Variants in TGM3 observed in about 807,000 individuals in gnomAD.
TGM3 encodes the protein transglutaminase 3.
In TGM3, 52 loss-of-function variants were observed where a neutral mutation model predicts 73.8. The ratio of observed to expected loss-of-function variants is 0.70; its 90% CI spans 0.56 to 0.89. TGM3 has a LOEUF of 0.89. Among genes scored for constraint, TGM3 ranks in the 40% least tolerant of loss-of-function variants. The pLI is 0.00. For missense variants in TGM3, 928 were observed against 909.9 expected (o/e 1.02, Z -0.26); for synonymous variants, 372 against 354.9 (o/e 1.05, Z -0.54).
chr20:2,311,240 C>T, intron 4 of TGM3, 111 bp downstream of exon 4: 1 of 891,456 alleles, frequency 1.1e-6, no homozygotes, highest in South Asian at 1.4e-5. Flanking sequence ...GCCTGCCCTT[C>T]TATTTGTTCA....
intron 1 of TGM3, among the ~76,000 whole-genome samples, chr20:2,302,086 A>G (rs900118336): frequency 2.6e-5 from 4 of 152,214 alleles, no homozygotes; most frequent in African/African-American, 9.6e-5. Flanking sequence ...AGGTGTGGGA[A>G]GTAGAGTCTG....
At position 2,296,076 on chromosome 20, in the gene TGM3, T is replaced by A. The variant is rs1406317780; in HGVS notation, c.7+6T>A. 3 of 1,550,438 alleles carry A rather than the reference T, an allele frequency of 1.9e-6. No homozygotes were observed. The highest frequency in any genetic ancestry group is 3.9e-5 in the Admixed American group (2 of 50,984). On this transcript the variant is annotated splice_donor_region_variant and intron_variant, in intron 1 of 12. Transcript: ENST00000381458. ...AGGAAGGCGAAACATGGCTGGTGAG[T>A]GCATGGCATCTTCTCCATCAGGTCC... is the stretch of plus-strand genomic sequence containing the variant.
At chr20:2,315,990 C>T (rs1434938786) in intron 5 of TGM3, among the ~76,000 whole-genome samples, 1 of 152,202 alleles carries the variant, frequency 6.6e-6, no homozygotes, top group Non-Finnish European at 1.5e-5. Context: ...GGTGTCATTT[C>T]ATCTGCGACC....
intron 9 of TGM3, among the ~76,000 whole-genome samples, chr20:2,330,686 G>A (rs1324027884): frequency 6.6e-6 from 1 of 152,184 alleles, no homozygotes; most frequent in Non-Finnish European, 1.5e-5. Flanking sequence ...ATGGGAAGGG[G>A]CTTGCTGTAT....
chr20:2,317,441 C>G lies in TGM3; in HGVS notation c.939C>G (p.Tyr313Ter). The G allele has an allele frequency of 6.2e-7, 1 of 1,614,230 alleles. No homozygotes were observed. The highest frequency in any genetic ancestry group is 8.5e-7 in the Non-Finnish European group (1 of 1,180,042). ...TDRNLSVDVY[Y>*]DPMGNPLDKG... Reference sequence around the variant, plus strand: ...GAAATCTCAGTGTGGATGTGTACTACGACCCCATGGGAAACCCCCTGGACA... The same window carrying G: ...GAAATCTCAGTGTGGATGTGTACTAGGACCCCATGGGAAACCCCCTGGACA... The change falls in exon 7 of 13, where the codon TAC (tyrosine) becomes TAG (stop). Residue 313 changes from tyrosine to a stop codon, truncating the protein, a stop_gained. Coordinates refer to ENST00000381458, the MANE Select transcript of TGM3 (RefSeq NM_003245.4). LOFTEE classifies it high-confidence loss of function.
At position 2,332,454 on chromosome 20, in the gene TGM3, G is replaced by A. The variant is rs1216994438; in HGVS notation, c.1642+144G>A. 2.3e-6 allele frequency: 2 copies of A among 856,922 alleles called. No homozygotes were observed. The highest frequency in any genetic ancestry group is 3.5e-6 in the Non-Finnish European group (2 of 573,860). 53.1% of individuals were successfully genotyped at this position (856,922 alleles called of 1,614,324 possible). A position where few individuals can be genotyped will look rare whatever the true frequency, so the allele number is the denominator to read the frequency against. On this transcript the variant is annotated intron_variant, in intron 10 of 12. Transcript: ENST00000381458. The surrounding 1 kb of genome is among the most constrained non-coding windows in gnomAD (Gnocchi z 4.4). The stretch of plus-strand genomic sequence containing the variant: ...CCCTGTGGTTAAGCCATGTATTAAT[G>A]CTTTGGAAGTTTCTGTCTCTATGAA...
chr20:2,304,197 T>C (rs927320724), intron 1 of TGM3, among the ~76,000 whole-genome samples: 3 of 152,186 alleles, frequency 2.0e-5, no homozygotes, highest in African/African-American at 7.2e-5. Flanking sequence ...GGGTGGGCTG[T>C]GATGAGTGAC....
Position 2,311,042 on chromosome 20 carries a change from G to A in TGM3, c.453G>A (p.Glu151=). 1 of 1,614,130 alleles carries A rather than the reference G, an allele frequency of 6.2e-7. No homozygotes were observed. The highest frequency in any genetic ancestry group is 8.5e-7 in the Non-Finnish European group (1 of 1,179,974). ...GCGTCTTTATGGGTAACCACGCTGA[G>A]AGAGAAGAGTATGTTCAGGAAGATG... ...VDSVFMGNHA[E]REEYVQEDAG... is the part of the protein sequence containing the mutation. Residue 151 remains glutamate (E), a synonymous_variant, in exon 4 of 13, where the codon GAG becomes GAA. Coordinates refer to ENST00000381458, the MANE Select transcript of TGM3 (RefSeq NM_003245.4).
intron 7 of TGM3, among the ~76,000 whole-genome samples, chr20:2,317,921 G>GCATATATATATATATATATAT (rs1555794807): frequency 3.9e-4 from 53 of 135,690 alleles, no homozygotes; most frequent in African/African-American, 1.6e-3. Context: ...TCTTCTCTTA[G>GCATATATATATATATATATAT]CATATATATA....
At chr20:2,316,956 G>A in intron 5 of TGM3, 112 bp from the exon 6 acceptor site, 1 of 1,247,536 alleles carries the variant, frequency 8.0e-7, no homozygotes, top group Non-Finnish European at 1.1e-6. Context: ...GTTCAATCAT[G>A]GCCTTTGGCT....
At chr20:2,323,595 A>G (rs2084272434) in intron 7 of TGM3, among the ~76,000 whole-genome samples, 1 of 152,192 alleles carries the variant, frequency 6.6e-6, no homozygotes, top group South Asian at 2.1e-4. Flanking sequence ...CTCAGTGAGT[A>G]TGTAGATTTT....
intron 7 of TGM3, among the ~76,000 whole-genome samples, chr20:2,317,980 T>C (rs554503693): frequency 1.4e-3 from 208 of 149,168 alleles, no homozygotes; most frequent in African/African-American, 4.9e-3. Context: ...TATACCTTGG[T>C]TGACATCAAA....
rs2084240871 is a variant in TGM3, at chr20:2,317,460, CT to C, written c.959del (p.Leu320ArgfsTer20). ...DVYYDPMGNP[L>X]DKGSDSVWNF... The stretch of plus-strand genomic sequence containing the variant: ...GTACTACGACCCCATGGGAAACCCC[CT>C]GGACAAGGGTAGTGATAGCGTATGG... On this transcript the variant is annotated frameshift_variant, in exon 7 of 13. Coordinates refer to ENST00000381458, the MANE Select transcript of TGM3 (RefSeq NM_003245.4). LOFTEE classifies it high-confidence loss of function. The C allele has an allele frequency of 1.9e-6, 3 of 1,614,126 alleles. No individual in the cohort carries two copies. Among genetic ancestry groups the C allele is most frequent in the African/African-American group, 2.7e-5 (2 of 74,948 alleles).
Position 2,340,907 on chromosome 20 carries a change from C to T in TGM3, c.*326C>T, listed in dbSNP as rs1235036917. On this transcript the variant is annotated 3_prime_UTR_variant, in exon 13 of 13. Coordinates refer to ENST00000381458, the MANE Select transcript of TGM3 (RefSeq NM_003245.4). The stretch of plus-strand genomic sequence containing the variant: ...TGGACTGGCCCCTGACCCAGGGACT[C>T]TCCAAACGGGATACAGGAGAGAAGC... 4.0e-6 allele frequency: 2 copies of T among 504,702 alleles called. No individual in the cohort carries two copies. The highest frequency in any genetic ancestry group is 7.7e-6 in the Non-Finnish European group (2 of 259,034). 31.3% of individuals were successfully genotyped at this position (504,702 alleles called of 1,614,324 possible).
chr20:2,312,921 C>A lies in TGM3; in HGVS notation c.564C>A (p.Ile188=). The change falls in exon 5 of 13, where the codon ATC becomes ATA. Residue 188 remains isoleucine (I), a synonymous_variant. Transcript: ENST00000381458. ...FGQFEEDILS[I]CLSILDRSLN... Reference sequence around the variant, plus strand: ...AGTTTGAAGAAGACATTCTCAGCATCTGCCTCTCAATCTTGGATAGGAGTC... The same window carrying A: ...AGTTTGAAGAAGACATTCTCAGCATATGCCTCTCAATCTTGGATAGGAGTC... The A allele has an allele frequency of 6.2e-7, 1 of 1,614,200 alleles. No individual in the cohort carries two copies. The highest frequency in any genetic ancestry group is 8.5e-7 in the Non-Finnish European group (1 of 1,180,036).
chr20:2,297,728 G>A (rs1171509075), intron 1 of TGM3, among the ~76,000 whole-genome samples: 4 of 152,142 alleles, frequency 2.6e-5, no homozygotes, highest in Non-Finnish European at 5.9e-5. Flanking sequence ...GCTCAGCTCC[G>A]AGTCACTCAG....
intron 5 of TGM3, 110 bp from the exon 6 acceptor site, chr20:2,316,958 C>T: frequency 3.1e-6 from 4 of 1,271,910 alleles, no homozygotes; most frequent in Non-Finnish European, 4.5e-6. Flanking sequence ...TCAATCATGG[C>T]CTTTGGCTTC....
In TGM3 at chr20:2,332,427, G is replaced by T; in HGVS notation, c.1642+117G>T. The T allele has an allele frequency of 9.9e-7, 1 of 1,011,012 alleles. No individual in the cohort carries two copies. The highest frequency in any genetic ancestry group is 1.4e-6 in the Non-Finnish European group (1 of 710,270). 62.6% of individuals were successfully genotyped at this position (1,011,012 alleles called of 1,614,324 possible). A position where few individuals can be genotyped will look rare whatever the true frequency, so the allele number is the denominator to read the frequency against. On this transcript the variant is annotated intron_variant, in intron 10 of 12. Coordinates refer to ENST00000381458, the MANE Select transcript of TGM3 (RefSeq NM_003245.4). This position sits in a 1 kb window ranked among gnomAD's most constrained non-coding sequence, Gnocchi z 4.4. ...TCAGCTACGAATGGAGCAGCCAGCG[G>T]CCCCTGTGGTTAAGCCATGTATTAA...
intron 1 of TGM3, among the ~76,000 whole-genome samples, chr20:2,306,047 T>C (rs760267570): frequency 8.5e-5 from 13 of 152,166 alleles, no homozygotes; most frequent in Admixed American, 4.6e-4. Flanking sequence ...AGCTCAGTTT[T>C]TTCTTTTTCA....
Sources: allele counts gnomAD v4.1 joint callset (sites outside exome capture counted in the v4.1 genomes callset), GRCh38; gene constraint gnomAD v4.1.1; non-coding constraint Gnocchi (gnomAD v3.1); transcripts MANE v1.5; gene names NCBI Gene and HGNC (gene_info 2026-07-23, HGNC 2026-07-21).